The following TNN variants were observed in gnomAD, a reference collection of about 807,000 sequenced individuals.
TNN encodes the protein tenascin-N.
TNN carries 122 observed loss-of-function variants against 134.4 expected under a neutral mutation model. That is an observed-to-expected ratio of 0.91 (90% confidence interval 0.78 to 1.06). The LOEUF is 1.06. TNN is among the 50% of genes least tolerant of loss of function. TNN has a pLI of 0.00. For missense variants in TNN, 1,739 were observed against 1,699.4 expected, an observed-to-expected ratio of 1.02 and a Z score of -0.41; for synonymous variants, 710 against 670.3, an observed-to-expected ratio of 1.06 and a Z score of -0.91.
At chr1:175,068,035 C>A in intron 1 of TNN, 100 bp downstream of exon 1, 1 of 430,548 alleles carries the variant, frequency 2.3e-6, no homozygotes, top group Non-Finnish European at 4.7e-6. Flanking sequence ...CGTTCCCGAG[C>A]CTGAAAATCC....
rs1462288819 is a variant in TNN, at chr1:175,123,414, A to G, written c.2665A>G (p.Lys889Glu). Residue 889 changes from lysine (K) to glutamate (E), a missense_variant, in exon 12 of 19, where the codon AAA becomes GAA. Physicochemically the swap from Lys to Glu is moderately conservative, Grantham distance 56. Transcript: ENST00000239462. Reference protein sequence around the residue: ...TKAQTEIDGPKNLVTDWVTEN... With the variant: ...TKAQTEIDGPENLVTDWVTEN... ...TTTTTAAAAAGAAATTGACGGCCCC[A>G]AAAACCTAGTGACTGACTGGGTGAC... 2.5e-6 allele frequency: 4 copies of G among 1,613,680 alleles called. No individual in the cohort carries two copies. The Admixed American group carries it at 6.7e-5, about 27-fold the overall frequency.
Position 175,083,838 on chromosome 1 carries a change from C to T in TNN, c.1137C>T (p.Asp379=), listed in dbSNP as rs1221248810. 1 of 1,614,198 alleles carries T rather than the reference C, an allele frequency of 6.2e-7. No homozygotes were observed. Among genetic ancestry groups the T allele is most frequent in the Non-Finnish European group, 8.5e-7 (1 of 1,180,020 alleles). The change falls in exon 5 of 19, where the codon GAC becomes GAT. Residue 379 remains aspartate, a synonymous_variant. Transcript: ENST00000239462. The part of the protein sequence containing the change: ...VEWENPSTEV[D]YYKLRYGPMT... ...GGGAAAACCCCTCAACTGAGGTGGA[C>T]TACTACAAGCTGCGATATGGCCCCA...
chr1:175,085,501 G>A lies in TNN; in HGVS notation c.1324+7G>A. On this transcript the variant is annotated splice_region_variant and intron_variant, in intron 6 of 18. Transcript: ENST00000239462. ...CTCCTGAATGGCAGGACAGGTGAGAGCTACTTGGAGGCACTATGGGCATTT... is the reference window on the plus strand; with the variant it reads ...CTCCTGAATGGCAGGACAGGTGAGAACTACTTGGAGGCACTATGGGCATTT... 1 of 1,588,202 alleles carries A rather than the reference G, an allele frequency of 6.3e-7. No homozygotes were observed. The highest frequency in any genetic ancestry group is 8.6e-7 in the Non-Finnish European group (1 of 1,157,766).
chr1:175,090,304 A>T (rs984910772), intron 6 of TNN, among the ~76,000 whole-genome samples: 1 of 152,150 alleles, frequency 6.6e-6, no homozygotes, highest in Non-Finnish European at 1.5e-5. Context: ...TTTTCTACAA[A>T]CGATGCCTTT....
intron 11 of TNN, among the ~76,000 whole-genome samples, chr1:175,122,218 C>CCAA (rs544769111): frequency 6.9e-6 from 1 of 144,626 alleles, no homozygotes; most frequent in Admixed American, 6.9e-5. Flanking sequence ...CCTGTCTTTA[C>CCAA]AAAAAAAAAA....
At position 175,077,123 on chromosome 1, in the gene TNN, A is replaced by G. The variant is rs566181054; in HGVS notation, c.-35-261A>G. ...AAGAGAGCTGCTCTTCTTATTATTA[A>G]TAAGTGCAGGTGAGCCTAGAATGAG... On this transcript the variant is annotated intron_variant, in intron 1 of 18. Coordinates refer to ENST00000239462, the MANE Select transcript of TNN (RefSeq NM_022093.2). Among the ~76,000 whole-genome samples, 14 of 152,316 alleles carry G rather than the reference A, an allele frequency of 9.2e-5. No individual in the cohort carries two copies. In the East Asian group the frequency reaches 2.5e-3, roughly 27 times the overall value.
At chr1:175,120,203 A>G (rs1675315217) in intron 11 of TNN, among the ~76,000 whole-genome samples, 1 of 152,220 alleles carries the variant, frequency 6.6e-6, no homozygotes, top group Non-Finnish European at 1.5e-5. Flanking sequence ...GGCCTGGGGA[A>G]CACAGTGGTG....
chr1:175,087,826 G>A (rs1311316680), intron 6 of TNN, among the ~76,000 whole-genome samples: 1 of 152,204 alleles, frequency 6.6e-6, no homozygotes, highest in Non-Finnish European at 1.5e-5. Context: ...TGACCAATCA[G>A]CTAGAAATTG....
chr1:175,089,274 G>A (rs137920996), intron 6 of TNN, among the ~76,000 whole-genome samples: 12 of 152,278 alleles, frequency 7.9e-5, no homozygotes, highest in African/African-American at 2.9e-4. Context: ...AGGAAACGAG[G>A]AAATGACACC....
At chr1:175,131,356 T>A (rs1472384904) in intron 15 of TNN, among the ~76,000 whole-genome samples, 1 of 152,248 alleles carries the variant, frequency 6.6e-6, no homozygotes, top group Admixed American at 6.5e-5. Context: ...CTGTATTTAG[T>A]CATTCAGGGC....
chr1:175,082,396 G>A lies in TNN; in HGVS notation c.1049-1354G>A, dbSNP rs537837643. ...AGAGGTACTCATCCCCACCATAATCGTGAACATTCTCATTAAGTCCTTGCT... is the reference window on the plus strand; with the variant it reads ...AGAGGTACTCATCCCCACCATAATCATGAACATTCTCATTAAGTCCTTGCT... On this transcript the variant is annotated intron_variant, in intron 4 of 18. Coordinates refer to ENST00000239462, the MANE Select transcript of TNN (RefSeq NM_022093.2). Among the ~76,000 whole-genome samples, 11 of 152,264 alleles carry A rather than the reference G, an allele frequency of 7.2e-5. No individual in the cohort carries two copies. In the South Asian group the frequency reaches 1.7e-3, roughly 23 times the overall value.
At chr1:175,068,187 C>G (rs1280678754) in intron 1 of TNN, among the ~76,000 whole-genome samples, 1 of 152,224 alleles carries the variant, frequency 6.6e-6, no homozygotes, top group Non-Finnish European at 1.5e-5. Context: ...TTTCCTGCAA[C>G]ACAGATGCGT....
At chr1:175,080,489 C>T in intron 4 of TNN, 63 bp downstream of exon 4, 1 of 1,590,824 alleles carries the variant, frequency 6.3e-7, no homozygotes, top group East Asian at 2.2e-5. Context: ...TGGTTTCTTT[C>T]ATTAAACACC....
In TNN at chr1:175,116,877, C is replaced by T. The variant is rs966911007; in HGVS notation, c.2120-62C>T. The T allele has an allele frequency of 1.9e-6, 3 of 1,609,902 alleles. No homozygotes were observed. In the Admixed American group the frequency reaches 5.0e-5, roughly 27 times the overall value. The stretch of plus-strand genomic sequence containing the variant: ...AAACTGCCTTACCACAAGTAAAATG[C>T]CCAGATCTCACTCTTTGGTACCAGT... On this transcript the variant is annotated intron_variant, in intron 9 of 18. Transcript: ENST00000239462.
intron 17 of TNN, among the ~76,000 whole-genome samples, chr1:175,139,775 C>T (rs1675902501): frequency 2.0e-5 from 3 of 152,188 alleles, no homozygotes; most frequent in African/African-American, 4.8e-5. Flanking sequence ...GGTTTGTTTA[C>T]ACCAAATCAC....
intron 18 of TNN, among the ~76,000 whole-genome samples, chr1:175,145,360 C>T (rs542861047): frequency 1.3e-4 from 20 of 151,834 alleles, no homozygotes; most frequent in African/African-American, 3.9e-4. Context: ...TGAGACCAGC[C>T]TGGGTAACAT....
chr1:175,078,029 G>T (rs1185041841), intron 2 of TNN, among the ~76,000 whole-genome samples: 2 of 152,194 alleles, frequency 1.3e-5, no homozygotes, highest in Admixed American at 1.3e-4. Context: ...AAGCTGAGCA[G>T]GGAGGGACCA....
At chr1:175,123,914 A>C (rs1675447199) in intron 12 of TNN, among the ~76,000 whole-genome samples, 1 of 152,238 alleles carries the variant, frequency 6.6e-6, no homozygotes. Context: ...CCCAGCGCTC[A>C]GAATCTCCAC....
intron 17 of TNN, among the ~76,000 whole-genome samples, chr1:175,137,235 C>T (rs1310862546): frequency 6.6e-6 from 1 of 152,116 alleles, no homozygotes; most frequent in African/African-American, 2.4e-5. Context: ...TAAAAACCCT[C>T]CCCTTGTACT....
Sources: allele counts gnomAD v4.1 joint callset (sites outside exome capture counted in the v4.1 genomes callset), GRCh38; gene constraint gnomAD v4.1.1; transcripts MANE v1.5; gene names NCBI Gene and HGNC (gene_info 2026-07-23, HGNC 2026-07-21).